Variants in PLXNB1 observed in about 807,000 individuals in gnomAD.
PLXNB1 encodes plexin B1, also known as plexin-B1.
PLXNB1 carries 106 observed loss-of-function variants against 209.4 expected under a neutral mutation model. The observed-to-expected ratio is 0.51, with a 90% CI of 0.43 to 0.59. The LOEUF is 0.59. PLXNB1 is among the 20% of genes least tolerant of loss of function. The pLI is 0.00. For synonymous variants in PLXNB1, 1,167 were observed against 1,183.2 expected, an observed-to-expected ratio of 0.99 and a Z score of 0.28; for missense variants, 2,357 against 2,853.2, an observed-to-expected ratio of 0.83 and a Z score of 3.96.
At chr3:48,425,556 C>T (rs914138205) in intron 1 of PLXNB1, among the ~76,000 whole-genome samples, 11 of 151,906 alleles carry the variant, frequency 7.2e-5, no homozygotes, top group African/African-American at 2.7e-4. Context: ...GCCAGGCACC[C>T]GAGGGGCCTG....
Position 48,419,564 on chromosome 3 carries a change from G to A in PLXNB1, c.2709+13C>T. The A allele has an allele frequency of 6.3e-7, 1 of 1,598,240 alleles. No homozygotes were observed. Among genetic ancestry groups the A allele is most frequent in the Non-Finnish European group, 8.6e-7 (1 of 1,168,910 alleles). On this transcript the variant is annotated intron_variant, in intron 11 of 37. Coordinates refer to ENST00000296440, the MANE Select transcript of PLXNB1 (RefSeq NM_001130082.3). This position sits in a 1 kb window ranked among gnomAD's most constrained non-coding sequence, Gnocchi z 5.7. ...CCCCTCCCCTGAGGCCTCCTTCCTGGGCTGGGCCTCACCAGCTCCCAGAGC... is the reference window on the plus strand; with the variant it reads ...CCCCTCCCCTGAGGCCTCCTTCCTGAGCTGGGCCTCACCAGCTCCCAGAGC...
rs138992799 is a variant in PLXNB1, at chr3:48,414,718, G to A, written c.4209+81C>T. 2.7e-5 allele frequency: 41 copies of A among 1,527,860 alleles called. No homozygotes were observed. In the African/African-American group the frequency reaches 2.9e-4, roughly 11 times the overall value. The allele number at this position is 1,527,860 out of a possible 1,614,324, so 94.6% of individuals were successfully genotyped here. A position where few individuals can be genotyped will look rare whatever the true frequency, so the allele number is the denominator to read the frequency against. ...CCACCGGCCCTTGCTCTACTGTCTC[G>A]GCCTCTCCGCCACACACAGCAGTGC... On this transcript the variant is annotated intron_variant, in intron 21 of 37. Transcript: ENST00000296440.
At position 48,424,351 on chromosome 3, in the gene PLXNB1, C is replaced by T. The variant is rs2038765353; in HGVS notation, c.261G>A (p.Glu87=). 1 of 1,554,522 alleles carries T rather than the reference C, an allele frequency of 6.4e-7. No homozygotes were observed. The highest frequency in any genetic ancestry group is 1.2e-5 in the South Asian group (1 of 84,360). The stretch of plus-strand genomic sequence containing the variant: ...TGTTGGTAGGCTGGGCCTGGGGGCA[C>T]TCATCAGGCATCACAGGTGGCAGGC... The part of the protein sequence containing the change: ...RDCLPPVMPD[E]CPQAQPTNNP... The change falls in exon 3 of 38, where the codon GAG becomes GAA. Residue 87 remains glutamate (E), a synonymous_variant. Transcript: ENST00000296440.
chr3:48,420,581 C>T, intron 10 of PLXNB1, 84 bp downstream of exon 10: 1 of 1,112,806 alleles, frequency 9.0e-7, no homozygotes, highest in Non-Finnish European at 1.4e-6. Flanking sequence ...CTCACATAGG[C>T]AGACAGACCC....
rs1254914518 is a variant in PLXNB1, at chr3:48,423,579, C to T, written c.1033G>A (p.Gly345Ser). The change falls in exon 3 of 38, where the codon GGT becomes AGT. Residue 345 changes from glycine (G) to serine (S), a missense_variant. By Grantham distance (56) the Gly-to-Ser change is moderately conservative. This residue lies in a region of PLXNB1 where 404 missense variants were observed against 443.6 expected (regional missense o/e 0.91). Coordinates refer to ENST00000296440, the MANE Select transcript of PLXNB1 (RefSeq NM_001130082.3). ...RTRDACYTRE[G>S]RAEDGTEVAY... ...ACCTCGGTCCCATCCTCAGCACGAC[C>T]CTCCCGGGTGTAGCAGGCATCTCGC... 6.2e-7 allele frequency: 1 copy of T among 1,614,184 alleles called. No individual in the cohort carries two copies. The highest frequency in any genetic ancestry group is 1.3e-5 in the African/African-American group (1 of 75,038).
At position 48,424,418 on chromosome 3, in the gene PLXNB1, T is replaced by G; in HGVS notation, c.194A>C (p.Glu65Ala). The G allele has an allele frequency of 6.4e-7, 1 of 1,568,902 alleles. No homozygotes were observed. The highest frequency in any genetic ancestry group is 8.6e-7 in the Non-Finnish European group (1 of 1,156,522). The change falls in exon 3 of 38, where the codon GAG becomes GCG. Residue 65 changes from glutamate (E) to alanine (A), a missense_variant. By Grantham distance (107) the Glu-to-Ala change is moderately radical. Coordinates refer to ENST00000296440, the MANE Select transcript of PLXNB1 (RefSeq NM_001130082.3). ...LFQLSPGLQL[E>A]ATVSTGPVLD... ...CACAGGGCCGGTGGACACTGTGGCC[T>G]CCAGCTGCAGCCCAGGGCTCAGCTG...
intron 8 of PLXNB1, 34 bp from the exon 9 acceptor site, chr3:48,420,990 G>C (rs749055877): frequency 6.5e-7 from 1 of 1,535,538 alleles, no homozygotes; most frequent in East Asian, 2.3e-5. Context: ...GGGTTAAGCA[G>C]CAAGGAGGTG....
Position 48,415,200 on chromosome 3 carries a change from A to C in PLXNB1, c.3942T>G (p.Leu1314=). The C allele has an allele frequency of 6.2e-7, 1 of 1,613,378 alleles. No homozygotes were observed. The highest frequency in any genetic ancestry group is 8.5e-7 in the Non-Finnish European group (1 of 1,179,894). Residue 1314 remains leucine, a synonymous_variant, in exon 20 of 38, where the codon CTT becomes CTG. Transcript: ENST00000296440. This position sits in a 1 kb window ranked among gnomAD's most constrained non-coding sequence, Gnocchi z 5.0. ...RRVVPETACS[L]GPSCSSQQFE... ...CTTGCTGGCTACTGCAGGAGGGTCC[A>C]AGGGAACATGCCGTCTCCGGGACCA...
chr3:48,409,963 T>G lies in PLXNB1; in HGVS notation c.5720A>C (p.Glu1907Ala). 1 of 1,612,310 alleles carries G rather than the reference T, an allele frequency of 6.2e-7. No individual in the cohort carries two copies. Among genetic ancestry groups the G allele is most frequent in the Non-Finnish European group, 8.5e-7 (1 of 1,179,538 alleles). Residue 1907 changes from glutamate (E) to alanine (A), a missense_variant, in exon 32 of 38, where the codon GAG (glutamate) becomes GCG (alanine). Glu to Ala is a moderately radical substitution (Grantham distance 107, BLOSUM62 -1). Transcript: ENST00000296440. This position sits in a 1 kb window ranked among gnomAD's most constrained non-coding sequence, Gnocchi z 5.8. ...AGGGATGGCCTTGGCGCGCTCACGC[T>G]CCCCGCCCCGAAGGCTGCCCCTCCG... Reference protein sequence around the residue: ...RPRRGSLRGGERERAKAIPEI... With the variant: ...RPRRGSLRGGARERAKAIPEI...
chr3:48,410,286 C>A lies in PLXNB1; in HGVS notation c.5605+10G>T. On this transcript the variant is annotated intron_variant, in intron 31 of 37. Coordinates refer to ENST00000296440, the MANE Select transcript of PLXNB1 (RefSeq NM_001130082.3). The surrounding 1 kb of genome is among the most constrained non-coding windows in gnomAD (Gnocchi z 6.4). The stretch of plus-strand genomic sequence containing the variant: ...CAGGGGCAGAGGACCGTGATGGGAG[C>A]GGTACTCACGCTCTCCAGGGACATA... The A allele has an allele frequency of 6.3e-7, 1 of 1,593,790 alleles. No homozygotes were observed. The highest frequency in any genetic ancestry group is 8.6e-7 in the Non-Finnish European group (1 of 1,167,390).
rs2107070035 is a variant in PLXNB1, at chr3:48,429,551, G to A, written c.-60+457C>T. ...GGCCGGAAGCAGCCCGGAGAGCCGG[G>A]CGCGCGGCCCCGAACCGCCCGGGAC... On this transcript the variant is annotated intron_variant, in intron 1 of 37. Transcript: ENST00000296440. This position sits in a 1 kb window ranked among gnomAD's most constrained non-coding sequence, Gnocchi z 6.4. 1 of 151,496 alleles carries A rather than the reference G, an allele frequency of 6.6e-6. No homozygotes were observed. The highest frequency in any genetic ancestry group is 2.0e-4 in the East Asian group (1 of 5,120). 9.4% of individuals were successfully genotyped at this position (151,496 alleles called of 1,614,324 possible). A position where few individuals can be genotyped will look rare whatever the true frequency, so the allele number is the denominator to read the frequency against.
intron 10 of PLXNB1, 36 bp downstream of exon 10, chr3:48,420,629 C>A (rs772383648): frequency 6.6e-7 from 1 of 1,518,136 alleles, no homozygotes; most frequent in South Asian, 1.1e-5. Context: ...GGACCCCCAA[C>A]CCCCCCGGTA....
chr3:48,423,820 C>T lies in PLXNB1; in HGVS notation c.792G>A (p.Leu264=), dbSNP rs747515554. Residue 264 remains leucine (L), a synonymous_variant, in exon 3 of 38, where the codon TTG becomes TTA. Transcript: ENST00000296440. ...AGCGGCCACCTTCGCAGGCCAGAGGCAACTCCACATAGGAGTAGTAGTGCT... is the reference window on the plus strand; with the variant it reads ...AGCGGCCACCTTCGCAGGCCAGAGGTAACTCCACATAGGAGTAGTAGTGCT... ...RDQHYYSYVE[L]PLACEGGRYG... 37 of 1,613,868 alleles carry T rather than the reference C, an allele frequency of 2.3e-5. No homozygotes were observed. Among genetic ancestry groups the T allele is most frequent in the Non-Finnish European group, 2.8e-5 (33 of 1,180,018 alleles).
In PLXNB1 at chr3:48,421,873, T is replaced by C. The variant is rs1216125401; in HGVS notation, c.1521-67A>G. The C allele has an allele frequency of 2.6e-6, 4 of 1,547,350 alleles. No homozygotes were observed. In the Admixed American group the frequency reaches 5.7e-5, roughly 22 times the overall value. ...CACTGGGAGTTCATAGGGTAGGGAC[T>C]CCTACAATCTGGAGGACCTGGGCAG... is the stretch of plus-strand genomic sequence containing the variant. On this transcript the variant is annotated intron_variant, in intron 6 of 37. Coordinates refer to ENST00000296440, the MANE Select transcript of PLXNB1 (RefSeq NM_001130082.3).
rs1409265837 is a variant in PLXNB1 at position 48,405,977 on chromosome 3, G to T, written c.6229-179C>A. 8.5e-6 allele frequency: 5 copies of T among 586,020 alleles called. No individual in the cohort carries two copies. Among genetic ancestry groups the T allele is most frequent in the Admixed American group, 2.5e-5 (1 of 39,858 alleles). The allele number at this position is 586,020 out of a possible 1,614,324, so 36.3% of individuals were successfully genotyped here. Reference sequence around the variant, plus strand: ...GGCCCAGGGACCCCAGGCCAGGTGTGCCAGATGGGGACAGAACAGGGTAGA... The same window carrying T: ...GGCCCAGGGACCCCAGGCCAGGTGTTCCAGATGGGGACAGAACAGGGTAGA... On this transcript the variant is annotated intron_variant, in intron 36 of 37. Transcript: ENST00000296440. This position sits in a 1 kb window ranked among gnomAD's most constrained non-coding sequence, Gnocchi z 5.0.
chr3:48,421,460 T>C (rs962603524), intron 7 of PLXNB1, 76 bp from the exon 8 acceptor site: 3 of 1,454,656 alleles, frequency 2.1e-6, no homozygotes, highest in African/African-American at 2.8e-5. Flanking sequence ...GGACACCCAA[T>C]GTGGGCAGGC....
At chr3:48,427,610 C>T (rs1213044279) in intron 1 of PLXNB1, among the ~76,000 whole-genome samples, 2 of 152,174 alleles carry the variant, frequency 1.3e-5, no homozygotes, top group African/African-American at 4.8e-5. Context: ...CCAGTCCACA[C>T]CTCTCCCACC....
chr3:48,427,639 C>T (rs1192231316), intron 1 of PLXNB1, among the ~76,000 whole-genome samples: 1 of 152,212 alleles, frequency 6.6e-6, no homozygotes, highest in African/African-American at 2.4e-5. Flanking sequence ...GCCAGTGCTC[C>T]CCCACACATG....
chr3:48,409,346 C>T lies in PLXNB1; in HGVS notation c.6070G>A (p.Asp2024Asn), dbSNP rs759374793. The T allele has an allele frequency of 7.4e-6, 12 of 1,614,104 alleles. No individual in the cohort carries two copies. The highest frequency in any genetic ancestry group is 3.3e-5 in the South Asian group (3 of 91,068). Reference protein sequence around the residue: ...QTFMDACTLADHKLGRDSPIN... With the variant: ...QTFMDACTLANHKLGRDSPIN... The stretch of plus-strand genomic sequence containing the variant: ...TCGCTCACCCGGCCCAGCTTGTGGT[C>T]GGCCAGGGTGCAGGCGTCCATGAAG... Residue 2024 changes from aspartate (D) to asparagine (N), a missense_variant, in exon 34 of 38, where the codon GAC becomes AAC. By Grantham distance (23) the Asp-to-Asn change is conservative. Around this residue, in one of 7 missense-constraint regions of PLXNB1, gnomAD observed 414 missense variants for 520.5 expected, o/e 0.80. Coordinates refer to ENST00000296440, the MANE Select transcript of PLXNB1 (RefSeq NM_001130082.3). This position sits in a 1 kb window ranked among gnomAD's most constrained non-coding sequence, Gnocchi z 5.8.
Sources: gnomAD v4.1 joint callset for allele counts (sites outside exome capture counted in the v4.1 genomes callset) on GRCh38, gnomAD v4.1.1 for gene constraint, gnomAD v4.1.1 regional missense constraint, Gnocchi (gnomAD v3.1) non-coding constraint, MANE v1.5 for transcripts, NCBI Gene and HGNC (gene_info 2026-07-23, HGNC 2026-07-21) for gene names.